AGBL4: variants seen among roughly 807,000 people sequenced by gnomAD.
The protein encoded by AGBL4 is cytosolic carboxypeptidase 6.
Under a neutral mutation model 66.4 loss-of-function variants are expected in AGBL4, and 58 were observed. The observed-to-expected ratio is 0.87, with a 90% CI of 0.71 to 1.09. The LOEUF is 1.09. Among genes scored for constraint, AGBL4 ranks in the 50% least tolerant of loss-of-function variants. AGBL4 has a pLI of 0.00. For synonymous variants in AGBL4, 234 were observed against 222.9 expected, an observed-to-expected ratio of 1.05 and a Z score of -0.44; for missense variants, 579 against 631.0, an observed-to-expected ratio of 0.92 and a Z score of 0.88.
intron 6 of AGBL4, among the ~76,000 whole-genome samples, chr1:48,861,945 T>C (rs1647510300): frequency 6.6e-6 from 1 of 152,208 alleles, no homozygotes; most frequent in African/African-American, 2.4e-5. Context: ...ATTTCCCTGG[T>C]TTCCTACTTC....
At chr1:48,655,437 A>G (rs1646004786) in intron 7 of AGBL4, among the ~76,000 whole-genome samples, 1 of 152,214 alleles carries the variant, frequency 6.6e-6, no homozygotes, top group Non-Finnish European at 1.5e-5. Context: ...TGGACCAAGA[A>G]AAAAGAGGGA....
intron 3 of AGBL4, among the ~76,000 whole-genome samples, chr1:49,654,520 G>C (rs1646077682): frequency 6.6e-6 from 1 of 152,070 alleles, no homozygotes; most frequent in Non-Finnish European, 1.5e-5. Context: ...TGTTGACAGT[G>C]GGGGTTAAAC....
At chr1:48,742,398 AT>A (rs1208680883) in intron 6 of AGBL4, among the ~76,000 whole-genome samples, 3 of 133,030 alleles carry the variant, frequency 2.3e-5, no homozygotes, top group Non-Finnish European at 5.0e-5. Flanking sequence ...TTGGATCAAT[AT>A]TTTTTAAAAA....
At chr1:49,878,673 G>C (rs1378852461) in intron 1 of AGBL4, among the ~76,000 whole-genome samples, 1 of 151,734 alleles carries the variant, frequency 6.6e-6, no homozygotes, top group Non-Finnish European at 1.5e-5. Flanking sequence ...ATGTCTATTA[G>C]GTCCACTTGG....
chr1:49,934,527 A>T (rs1195944812), intron 1 of AGBL4, among the ~76,000 whole-genome samples: 1 of 152,230 alleles, frequency 6.6e-6, no homozygotes, highest in Admixed American at 6.5e-5. Flanking sequence ...TCACGATTAC[A>T]GAAAAATTCA....
At chr1:48,550,042 TA>T (rs1644226243) in intron 11 of AGBL4, among the ~76,000 whole-genome samples, 1 of 151,690 alleles carries the variant, frequency 6.6e-6, no homozygotes, top group African/African-American at 2.4e-5. Flanking sequence ...TTCCACAGAG[TA>T]GGTATTTCCT....
chr1:49,228,858 T>A (rs529305738), intron 4 of AGBL4, among the ~76,000 whole-genome samples: 1 of 152,134 alleles, frequency 6.6e-6, no homozygotes, highest in African/African-American at 2.4e-5. Context: ...TCTGAGAGTA[T>A]AAAGATGGCA....
At chr1:48,596,907 A>T (rs1645002759) in intron 9 of AGBL4, among the ~76,000 whole-genome samples, 1 of 152,180 alleles carries the variant, frequency 6.6e-6, no homozygotes, top group African/African-American at 2.4e-5. Flanking sequence ...CCAGACAGCC[A>T]GCTCAAGGAA....
chr1:49,400,374 T>C (rs1285385663), intron 3 of AGBL4, among the ~76,000 whole-genome samples: 7 of 139,788 alleles, frequency 5.0e-5, no homozygotes, highest in African/African-American at 1.1e-4. Context: ...GGGTCTTTTC[T>C]GATCCATATA....
At chr1:49,597,861 G>T (rs1172944112) in intron 3 of AGBL4, among the ~76,000 whole-genome samples, 2 of 152,146 alleles carry the variant, frequency 1.3e-5, no homozygotes, top group Non-Finnish European at 2.9e-5. Flanking sequence ...TTTGCACATT[G>T]ATTTTCTATC....
intron 3 of AGBL4, among the ~76,000 whole-genome samples, chr1:49,351,129 C>T (rs1222308921): frequency 6.6e-6 from 1 of 152,180 alleles, no homozygotes; most frequent in Admixed American, 6.5e-5. Flanking sequence ...TGTGAGTCTT[C>T]ACATGCTGTT....
intron 6 of AGBL4, among the ~76,000 whole-genome samples, chr1:48,679,040 GTTGACAGT>G (rs1324803578): frequency 6.6e-6 from 1 of 152,234 alleles, no homozygotes; most frequent in Non-Finnish European, 1.5e-5. Flanking sequence ...GGATATGCAA[GTTGACAGT>G]GGAATTCTGA....
chr1:49,574,407 C>G lies in AGBL4; in HGVS notation c.282+122906G>C, dbSNP rs562276153. On this transcript the variant is annotated intron_variant, in intron 3 of 13. Coordinates refer to ENST00000371839, the MANE Select transcript of AGBL4 (RefSeq NM_032785.4). ...TAAAAGATGGCCCACTGTGAGCGAG[C>G]TGGAAATGCCTGATCTCCCTTGGTT... Among the ~76,000 whole-genome samples the G allele has an allele frequency of 7.9e-5, 12 of 152,240 alleles. No homozygotes were observed. The East Asian group carries it at 2.3e-3, about 30-fold the overall frequency.
At chr1:48,534,753 C>T in intron 13 of AGBL4, 137 bp downstream of exon 13, 1 of 866,046 alleles carries the variant, frequency 1.2e-6, no homozygotes, top group Non-Finnish European at 1.8e-6. Context: ...CACCAGGAAG[C>T]CTCACTGCCT....
At chr1:49,237,958 T>C (rs1650920048) in intron 4 of AGBL4, among the ~76,000 whole-genome samples, 1 of 152,136 alleles carries the variant, frequency 6.6e-6, no homozygotes, top group Admixed American at 6.6e-5. Context: ...TCTTAATGGA[T>C]ATTTTTGCTG....
intron 6 of AGBL4, among the ~76,000 whole-genome samples, chr1:48,762,439 CCCTTGTGGTAAAATA>C (rs1302677945): frequency 3.3e-5 from 5 of 152,062 alleles, no homozygotes; most frequent in African/African-American, 1.2e-4. Context: ...CTGGACTGTC[CCCTTGTGGTAAAATA>C]CTTTGTGTTC....
At chr1:49,336,375 C>T (rs1411765191) in intron 3 of AGBL4, among the ~76,000 whole-genome samples, 1 of 152,206 alleles carries the variant, frequency 6.6e-6, no homozygotes, top group African/African-American at 2.4e-5. Flanking sequence ...GATCTACCCA[C>T]ACTGGGTAGA....
intron 6 of AGBL4, among the ~76,000 whole-genome samples, chr1:48,680,653 C>T (rs1646441016): frequency 6.6e-6 from 1 of 152,220 alleles, no homozygotes; most frequent in Non-Finnish European, 1.5e-5. Context: ...CCCTCCGTGA[C>T]TAAGTGCTGA....
chr1:48,774,066 A>G (rs762885481), intron 6 of AGBL4, among the ~76,000 whole-genome samples: 10 of 152,234 alleles, frequency 6.6e-5, no homozygotes, highest in Non-Finnish European at 1.3e-4. Flanking sequence ...TTGGGCCAAC[A>G]CTCAGTATAG....
Sources: gnomAD v4.1 joint callset for allele counts (sites outside exome capture counted in the v4.1 genomes callset) on GRCh38, gnomAD v4.1.1 for gene constraint, MANE v1.5 for transcripts, NCBI Gene and HGNC (gene_info 2026-07-23, HGNC 2026-07-21) for gene names.